Variants in NELL1 observed in about 807,000 individuals in gnomAD.
NELL1 encodes the protein protein kinase C-binding protein NELL1.
NELL1 carries 76 observed loss-of-function variants against 107.4 expected under a neutral mutation model. That is an observed-to-expected ratio of 0.71 (90% confidence interval 0.59 to 0.86). The LOEUF is 0.86. Ranked by LOEUF, NELL1 falls within the 40% of genes least tolerant of loss-of-function variation. The probability of loss-of-function intolerance (pLI) is 0.00; values close to 1 mark genes in which losing one functional copy is unlikely to be tolerated. For missense variants in NELL1, 1,024 were observed against 1,005.5 expected, an observed-to-expected ratio of 1.02 and a Z score of -0.25; for synonymous variants, 353 against 341.2, an observed-to-expected ratio of 1.03 and a Z score of -0.38.
At chr11:20,891,996 C>T (rs528736204) in intron 5 of NELL1, among the ~76,000 whole-genome samples, 8 of 152,190 alleles carry the variant, frequency 5.3e-5, no homozygotes, top group South Asian at 2.1e-4. Context: ...ACTTGAACTC[C>T]GCTTTGCATC....
At chr11:20,919,990 C>T (rs946851625) in intron 7 of NELL1, among the ~76,000 whole-genome samples, 5 of 152,110 alleles carry the variant, frequency 3.3e-5, no homozygotes, top group Admixed American at 2.0e-4. Flanking sequence ...ACGCTTTCTA[C>T]CCTAGATATG....
At chr11:21,375,104 A>G (rs750038167) in intron 15 of NELL1, among the ~76,000 whole-genome samples, 26 of 152,062 alleles carry the variant, frequency 1.7e-4, no homozygotes, top group Non-Finnish European at 3.2e-4. Flanking sequence ...TCACCTGTGT[A>G]TACTGCATGA....
intron 11 of NELL1, among the ~76,000 whole-genome samples, chr11:20,955,948 C>T (rs1184925888): frequency 1.3e-5 from 2 of 152,062 alleles, no homozygotes; most frequent in African/African-American, 2.4e-5. Context: ...GGGCCAGGCA[C>T]GATGGCTCAT....
intron 14 of NELL1, among the ~76,000 whole-genome samples, chr11:21,334,712 C>T (rs1210582892): frequency 6.6e-6 from 1 of 151,902 alleles, no homozygotes; most frequent in African/African-American, 2.4e-5. Context: ...AGAATTTTAA[C>T]CATTTTATTA....
At chr11:20,677,854 C>T (rs749382994) in intron 1 of NELL1, 78 bp from the exon 2 acceptor site, 2 of 1,548,822 alleles carry the variant, frequency 1.3e-6, no homozygotes, top group Non-Finnish European at 1.8e-6. Flanking sequence ...TATTCCCTGC[C>T]ACTCCCCGAC....
intron 3 of NELL1, among the ~76,000 whole-genome samples, chr11:20,829,322 G>T (rs963612107): frequency 3.3e-5 from 5 of 150,846 alleles, no homozygotes; most frequent in Non-Finnish European, 7.4e-5. Flanking sequence ...CACCTCTCAG[G>T]TTCAAGCAAT....
chr11:21,315,888 T>A (rs56377860), intron 14 of NELL1, among the ~76,000 whole-genome samples: 14 of 32,234 alleles, frequency 4.3e-4, no homozygotes, highest in African/African-American at 1.9e-3. Context: ...GGTGGTGGTG[T>A]GAGTGTGTGT....
intron 15 of NELL1, among the ~76,000 whole-genome samples, chr11:21,498,169 A>C (rs1220374341): frequency 6.6e-6 from 1 of 151,670 alleles, no homozygotes; most frequent in Admixed American, 6.6e-5. Context: ...TAATAATTGG[A>C]ATATTGTAGA....
chr11:21,539,108 C>T (rs533736935), intron 16 of NELL1, among the ~76,000 whole-genome samples: 11 of 152,200 alleles, frequency 7.2e-5, no homozygotes, highest in East Asian at 3.9e-4. Flanking sequence ...AGTAGTGAAA[C>T]GGCAGAGTTC....
intron 12 of NELL1, among the ~76,000 whole-genome samples, chr11:20,975,755 A>G (rs902098130): frequency 1.6e-4 from 21 of 128,570 alleles, no homozygotes; most frequent in African/African-American, 5.9e-4. Context: ...TATAATATAC[A>G]TATTATATAT....
At chr11:21,291,250 C>T (rs1404425497) in intron 14 of NELL1, among the ~76,000 whole-genome samples, 4 of 151,996 alleles carry the variant, frequency 2.6e-5, no homozygotes, top group Non-Finnish European at 4.4e-5. Context: ...TCATTATTAA[C>T]GATATAATGA....
At chr11:21,166,640 G>A (rs980441770) in intron 13 of NELL1, among the ~76,000 whole-genome samples, 15 of 151,518 alleles carry the variant, frequency 9.9e-5, no homozygotes, top group Non-Finnish European at 1.8e-4. Context: ...ACTTAGAAGC[G>A]CACAAAAAAT....
At chr11:21,038,331 ATAATCTTG>A (rs554365516) in intron 12 of NELL1, among the ~76,000 whole-genome samples, 250 of 152,316 alleles carry the variant, frequency 1.6e-3, no homozygotes, top group African/African-American at 5.8e-3. Context: ...ATTTGGAAAG[ATAATCTTG>A]GTTTGATGAG....
At chr11:21,389,030 A>G (rs908481380) in intron 15 of NELL1, among the ~76,000 whole-genome samples, 9 of 151,812 alleles carry the variant, frequency 5.9e-5, no homozygotes, top group African/African-American at 1.7e-4. Flanking sequence ...TCATGTTTTA[A>G]TAGTTACTAG....
At chr11:21,464,178 C>T (rs1469439054) in intron 15 of NELL1, among the ~76,000 whole-genome samples, 3 of 151,996 alleles carry the variant, frequency 2.0e-5, no homozygotes, top group Non-Finnish European at 4.4e-5. Flanking sequence ...TCAATGTGGT[C>T]ACAGCCTGCC....
chr11:21,080,537 T>C (rs1854242288), intron 12 of NELL1, among the ~76,000 whole-genome samples: 1 of 152,114 alleles, frequency 6.6e-6, no homozygotes, highest in East Asian at 1.9e-4. Flanking sequence ...TATGCCTATA[T>C]TGTATTCTTA....
intron 14 of NELL1, among the ~76,000 whole-genome samples, chr11:21,337,828 C>CTTGCTTGCT (rs1565175551): frequency 9.9e-5 from 4 of 40,246 alleles, no homozygotes; most frequent in Non-Finnish European, 1.1e-4. Flanking sequence ...TTCTTTCTTT[C>CTTGCTTGCT]TTTCTTTCTT....
chr11:20,791,873 A>T (rs1857082247), intron 3 of NELL1, among the ~76,000 whole-genome samples: 2 of 152,030 alleles, frequency 1.3e-5, no homozygotes, highest in South Asian at 4.1e-4. Context: ...AGATGATAAC[A>T]TAGTTTTAAT....
intron 4 of NELL1, among the ~76,000 whole-genome samples, chr11:20,873,932 T>C (rs941388734): frequency 1.1e-4 from 17 of 152,252 alleles, no homozygotes; most frequent in Middle Eastern, 6.8e-3. Context: ...CCCAGCTAAC[T>C]TTTTTATTTT....
Sources: allele counts gnomAD v4.1 joint callset (sites outside exome capture counted in the v4.1 genomes callset), GRCh38; gene constraint gnomAD v4.1.1; transcripts MANE v1.5; gene names NCBI Gene and HGNC (gene_info 2026-07-23, HGNC 2026-07-21).